The following SRGAP3 variants were observed in gnomAD, a reference collection of about 807,000 sequenced individuals.
SRGAP3 encodes SLIT-ROBO Rho GTPase-activating protein 3.
SRGAP3 carries 39 observed loss-of-function variants against 121.1 expected under a neutral mutation model. The ratio of observed to expected loss-of-function variants is 0.32; its 90% CI spans 0.25 to 0.42. SRGAP3 has a LOEUF of 0.42. Among genes scored for constraint, SRGAP3 ranks in the 10% least tolerant of loss-of-function variants. The pLI, the probability that SRGAP3 is intolerant of heterozygous loss-of-function variation, is 1.00. For synonymous variants in SRGAP3, 601 were observed against 570.0 expected (o/e 1.05, Z -0.77); for missense variants, 1,213 against 1,470.6 (o/e 0.82, Z 2.86).
At chr3:9,195,586 C>G (rs909617687) in intron 1 of SRGAP3, among the ~76,000 whole-genome samples, 1 of 152,174 alleles carries the variant, frequency 6.6e-6, no homozygotes, top group African/African-American at 2.4e-5. Flanking sequence ...GTTGCCACCT[C>G]CTTACAGGTA....
intron 18 of SRGAP3, among the ~76,000 whole-genome samples, chr3:8,997,159 G>T (rs1394174146): frequency 1.3e-5 from 2 of 152,158 alleles, no homozygotes; most frequent in African/African-American, 4.8e-5. Context: ...TCTCGTGCCT[G>T]AAACAGAATA....
In SRGAP3 at chr3:9,013,401, G is replaced by A; in HGVS notation, c.2054C>T (p.Thr685Ile). Residue 685 changes from threonine (T) to isoleucine (I), a missense_variant, in exon 17 of 22, where the codon ACC becomes ATC. Coordinates refer to ENST00000383836, the MANE Select transcript of SRGAP3 (RefSeq NM_014850.4). Reference protein sequence around the residue: ...CQAHINEVIKTIIIHHEAIFP... With the variant: ...CQAHINEVIKIIIIHHEAIFP... ...GATGGCTTCATGATGGATGATGATG[G>A]TTTTGATGACTTCATTGATGTGTGC... The A allele has an allele frequency of 6.2e-7, 1 of 1,614,096 alleles. No individual in the cohort carries two copies. Among genetic ancestry groups the A allele is most frequent in the Non-Finnish European group, 8.5e-7 (1 of 1,180,012 alleles).
At chr3:9,168,498 C>A (rs1950872160) in intron 1 of SRGAP3, among the ~76,000 whole-genome samples, 1 of 152,242 alleles carries the variant, frequency 6.6e-6, no homozygotes, top group Admixed American at 6.5e-5. Flanking sequence ...GCAGTTCCTG[C>A]AGCTGGTTTC....
At chr3:9,050,529 C>T (rs1247376571) in intron 9 of SRGAP3, among the ~76,000 whole-genome samples, 3 of 152,152 alleles carry the variant, frequency 2.0e-5, no homozygotes, top group Non-Finnish European at 4.4e-5. Context: ...GAAAGGATTA[C>T]GATGTCCTTA....
intron 1 of SRGAP3, among the ~76,000 whole-genome samples, chr3:9,203,190 A>G (rs1275301481): frequency 2.6e-5 from 4 of 152,080 alleles, no homozygotes; most frequent in African/African-American, 9.7e-5. Context: ...ACCATATCCC[A>G]TGCCCCCACC....
chr3:9,191,818 C>A (rs971697329), intron 1 of SRGAP3, among the ~76,000 whole-genome samples: 1 of 152,146 alleles, frequency 6.6e-6, no homozygotes, highest in Non-Finnish European at 1.5e-5. Flanking sequence ...CACCATCCCC[C>A]TTGGTACTGT....
intron 21 of SRGAP3, among the ~76,000 whole-genome samples, chr3:8,988,433 C>T (rs975893814): frequency 6.6e-6 from 1 of 152,184 alleles, no homozygotes; most frequent in Non-Finnish European, 1.5e-5. Flanking sequence ...GGGTTACTTA[C>T]ATATCATTTA....
intron 14 of SRGAP3, 50 bp downstream of exon 14, chr3:9,025,211 C>T: frequency 6.3e-7 from 1 of 1,597,420 alleles, no homozygotes; most frequent in Non-Finnish European, 8.6e-7. Context: ...CGTGAATATT[C>T]ACCCTGGCTT....
chr3:9,151,640 T>C (rs2675186), intron 1 of SRGAP3, among the ~76,000 whole-genome samples: 113,676 of 152,098 alleles, frequency 0.75, 42,590 homozygotes, highest in African/African-American at 0.79. Context: ...ACTGGCTGGA[T>C]GGAAACAGCA....
intron 1 of SRGAP3, among the ~76,000 whole-genome samples, chr3:9,172,181 C>A (rs976098307): frequency 6.6e-6 from 1 of 151,374 alleles, no homozygotes; most frequent in Non-Finnish European, 1.5e-5. Context: ...GCAACCTCCA[C>A]CTCCTGGGCT....
Position 8,996,417 on chromosome 3 carries a change from G to T in SRGAP3, c.2228-1894C>A, listed in dbSNP as rs1359272073. On this transcript the variant is annotated intron_variant, in intron 18 of 21. Transcript: ENST00000383836. ...CATGCTTGTGTCCCCATGAGATGCA[G>T]TGGCTTTGGGATGTATTTAGCTCTT... 3.3e-5 allele frequency among the ~76,000 whole-genome samples: 5 copies of T among 152,238 alleles called. No homozygotes were observed. In the East Asian group the frequency reaches 9.6e-4, roughly 29 times the overall value.
intron 3 of SRGAP3, among the ~76,000 whole-genome samples, chr3:9,259,786 T>A (rs1409739378): frequency 6.6e-6 from 1 of 151,008 alleles, no homozygotes; most frequent in Non-Finnish European, 1.5e-5. Context: ...CAAGTGTGAC[T>A]GCAGAATTCA....
intron 18 of SRGAP3, chr3:9,007,792 T>A (rs1416566012): frequency 6.6e-6 from 1 of 152,106 alleles, no homozygotes; most frequent in African/African-American, 2.4e-5. Context: ...TACATGACCA[T>A]AAGGACTCCC....
intron 3 of SRGAP3, among the ~76,000 whole-genome samples, chr3:9,295,077 G>A (rs1954930640): frequency 6.6e-6 from 1 of 152,084 alleles, no homozygotes; most frequent in African/African-American, 2.4e-5. Flanking sequence ...TGTTACAAAG[G>A]CTTATTAGAT....
chr3:9,183,145 G>T (rs570191650), intron 1 of SRGAP3, among the ~76,000 whole-genome samples: 4 of 152,188 alleles, frequency 2.6e-5, no homozygotes, highest in Non-Finnish European at 5.9e-5. Flanking sequence ...TCTGAGAGAG[G>T]AGGAGGCCCA....
rs926408794 is a variant in SRGAP3 at position 9,005,428 on chromosome 3, T to C, written c.2227+4880A>G. ...GACCCAGCAATTCCACTCCTGGGTA[T>C]ATACTCAAGAGAAATGAAAAATTCT... On this transcript the variant is annotated intron_variant, in intron 18 of 21. Transcript: ENST00000383836. Among the ~76,000 whole-genome samples the C allele has an allele frequency of 3.3e-5, 5 of 152,324 alleles. 1 individual carries two copies. The highest frequency in any genetic ancestry group is 4.1e-4 in the South Asian group (2 of 4,830).
At chr3:9,139,281 T>C (rs1470617443) in intron 1 of SRGAP3, among the ~76,000 whole-genome samples, 1 of 152,090 alleles carries the variant, frequency 6.6e-6, no homozygotes, top group Non-Finnish European at 1.5e-5. Context: ...CCCTGGAACC[T>C]GGGAATGTTA....
At chr3:9,290,958 G>A (rs1393011688) in intron 3 of SRGAP3, among the ~76,000 whole-genome samples, 12 of 152,170 alleles carry the variant, frequency 7.9e-5, no homozygotes. Context: ...GTGTGTGTGT[G>A]TACGTGTGTT....
chr3:9,233,259 C>T lies in SRGAP3; in HGVS notation c.67+15626G>A, dbSNP rs550403928. Among the ~76,000 whole-genome samples, 3 of 152,340 alleles carry T rather than the reference C, an allele frequency of 2.0e-5. No homozygotes were observed. The East Asian group carries it at 5.8e-4, about 29-fold the overall frequency. The stretch of plus-strand genomic sequence containing the variant: ...TTAATGACTTTCATCCAAGGTCATT[C>T]AGCTGATTCACCATGAGCCGTGATT... On this transcript the variant is annotated intron_variant, in intron 1 of 21. Transcript: ENST00000383836.
Sources: allele counts gnomAD v4.1 joint callset (sites outside exome capture counted in the v4.1 genomes callset), GRCh38; gene constraint gnomAD v4.1.1; transcripts MANE v1.5; gene names NCBI Gene and HGNC (gene_info 2026-07-23, HGNC 2026-07-21).